USP10: variants seen among roughly 807,000 people sequenced by gnomAD.
The protein encoded by USP10 is ubiquitin specific peptidase 10.
A neutral mutation model predicts 84.5 loss-of-function variants in USP10; 22 were observed. That is an observed-to-expected ratio of 0.26 (90% CI 0.19 to 0.37). USP10 has a LOEUF of 0.37. Among genes scored for constraint, USP10 ranks in the 10% least tolerant of loss-of-function variants. The pLI, the probability that USP10 is intolerant of heterozygous loss-of-function variation, is 1.00. For missense variants in USP10, 1,019 were observed against 998.9 expected (o/e 1.02, Z -0.27); for synonymous variants, 454 against 387.6 (o/e 1.17, Z -2.01).
rs111471007 is a variant in USP10, at chr16:84,745,457, G to A, written c.976G>A (p.Gly326Ser). The A allele has an allele frequency of 8.2e-4, 1,316 of 1,613,640 alleles. 1 individual carries two copies. Among genetic ancestry groups the A allele is most frequent in the Middle Eastern group, 5.0e-3 (30 of 6,054 alleles). Residue 326 changes from glycine (G) to serine (S), a missense_variant, in exon 4 of 14, where the codon GGC (glycine) becomes AGC (serine). Around this residue, in one of 2 missense-constraint regions of USP10, gnomAD observed 787 missense variants for 708.8 expected, o/e 1.11. Coordinates refer to ENST00000219473, the MANE Select transcript of USP10 (RefSeq NM_005153.3). Reference sequence around the variant, plus strand: ...CGAGAGTGCATCACCTCCTGCTGACGGCACGGGCTCTGCATCAGGCACCCT... The same window carrying A: ...CGAGAGTGCATCACCTCCTGCTGACAGCACGGGCTCTGCATCAGGCACCCT... ...KPESASPPAD[G>S]TGSASGTLPV... is the part of the protein sequence containing the mutation.
chr16:84,757,396 G>T (rs1912676343), intron 4 of USP10, among the ~76,000 whole-genome samples: 1 of 127,366 alleles, frequency 7.9e-6, no homozygotes, highest in East Asian at 2.7e-4. Flanking sequence ...GAATGAGAGG[G>T]GTGGGGGTGT....
intron 1 of USP10, among the ~76,000 whole-genome samples, chr16:84,728,617 C>G (rs1226716521): frequency 6.6e-6 from 1 of 152,068 alleles, no homozygotes; most frequent in Non-Finnish European, 1.5e-5. Context: ...GCGTGAGCCA[C>G]CGTGTCCGGC....
At chr16:84,769,067 G>C (rs1249279270) in intron 11 of USP10, among the ~76,000 whole-genome samples, 1 of 152,158 alleles carries the variant, frequency 6.6e-6, no homozygotes, top group South Asian at 2.1e-4. Flanking sequence ...ATATATCTTA[G>C]GTTGTGGCAG....
At chr16:84,709,242 G>A (rs1905956361) in intron 1 of USP10, 1 of 152,328 alleles carries the variant, frequency 6.6e-6, no homozygotes, top group East Asian at 1.9e-4. Flanking sequence ...CAAAGGAAGG[G>A]AACACAATCT....
intron 1 of USP10, among the ~76,000 whole-genome samples, chr16:84,711,180 G>C (rs570820060): frequency 4.6e-5 from 7 of 152,170 alleles, no homozygotes; most frequent in Non-Finnish European, 1.0e-4. Context: ...TGCCTTTTAA[G>C]CAAGCATTTA....
chr16:84,734,424 T>G (rs893554502), intron 2 of USP10, among the ~76,000 whole-genome samples: 1 of 152,224 alleles, frequency 6.6e-6, no homozygotes, highest in Non-Finnish European at 1.5e-5. Flanking sequence ...AATACGGATG[T>G]CCTCTGCTGT....
In USP10 at chr16:84,764,267, T is replaced by A; in HGVS notation, c.1832+4T>A. On this transcript the variant is annotated splice_donor_region_variant and intron_variant, in intron 10 of 13. Coordinates refer to ENST00000219473, the MANE Select transcript of USP10 (RefSeq NM_005153.3). Reference sequence around the variant, plus strand: ...GCATTTTTGGTGGACACATCAGGTTTGTGCTTTTCTGGAATAACTTAATAT... The same window carrying A: ...GCATTTTTGGTGGACACATCAGGTTAGTGCTTTTCTGGAATAACTTAATAT... 1 of 1,614,028 alleles carries A rather than the reference T, an allele frequency of 6.2e-7. No homozygotes were observed. Among genetic ancestry groups the A allele is most frequent in the Non-Finnish European group, 8.5e-7 (1 of 1,179,886 alleles).
At chr16:84,720,341 A>G (rs537219673) in intron 1 of USP10, among the ~76,000 whole-genome samples, 1 of 152,312 alleles carries the variant, frequency 6.6e-6, no homozygotes, top group South Asian at 2.1e-4. Context: ...GATGGCACTT[A>G]CAAGTTTCTG....
intron 3 of USP10, among the ~76,000 whole-genome samples, chr16:84,740,938 T>C (rs1312003258): frequency 6.6e-6 from 1 of 152,256 alleles, no homozygotes; most frequent in South Asian, 2.1e-4. Flanking sequence ...TTTGTATTGC[T>C]TAAGTACCCA....
At chr16:84,753,457 T>C (rs1201244619) in intron 4 of USP10, among the ~76,000 whole-genome samples, 2 of 152,210 alleles carry the variant, frequency 1.3e-5, no homozygotes. Flanking sequence ...GATGTCTGTA[T>C]TGAGCTGGCC....
In USP10 at chr16:84,700,008, A is replaced by G. The variant is rs1265061293; in HGVS notation, c.-83A>G. 19 of 1,263,082 alleles carry G rather than the reference A, an allele frequency of 1.5e-5. No homozygotes were observed. In the East Asian group the frequency reaches 4.8e-4, roughly 32 times the overall value. The allele number at this position is 1,263,082 out of a possible 1,614,324, so 78.2% of individuals were successfully genotyped here. ...GGCGCGGCGGCCGATGCGAGTGTGT[A>G]TGTGCGGGCGAGAAGATGGCGGCGG... On this transcript the variant is annotated 5_prime_UTR_variant, in exon 1 of 14. The change abolishes an upstream ATG in the 5' untranslated region. Coordinates refer to ENST00000219473, the MANE Select transcript of USP10 (RefSeq NM_005153.3).
At chr16:84,703,189 T>C (rs1353550776) in intron 1 of USP10, among the ~76,000 whole-genome samples, 1 of 152,152 alleles carries the variant, frequency 6.6e-6, no homozygotes, top group Non-Finnish European at 1.5e-5. Context: ...TAAATGAACT[T>C]TAACAGTTGA....
rs774270460 is a variant in USP10, at chr16:84,744,684, G to T, written c.203G>T (p.Ser68Ile). The T allele has an allele frequency of 6.2e-7, 1 of 1,613,458 alleles. No individual in the cohort carries two copies. Among genetic ancestry groups the T allele is most frequent in the Non-Finnish European group, 8.5e-7 (1 of 1,179,666 alleles). The part of the protein sequence containing the change: ...EFGVDEVIEP[S>I]DTLPRTPSYS... Reference sequence around the variant, plus strand: ...GGTGTCGATGAAGTCATTGAACCCAGTGACACTTTGCCGAGAACCCCCAGC... The same window carrying T: ...GGTGTCGATGAAGTCATTGAACCCATTGACACTTTGCCGAGAACCCCCAGC... The change falls in exon 4 of 14, where the codon AGT becomes ATT. Residue 68 changes from serine (S) to isoleucine (I), a missense_variant. By Grantham distance (142) the Ser-to-Ile change is moderately radical. Around this residue, in one of 2 missense-constraint regions of USP10, gnomAD observed 787 missense variants for 708.8 expected, o/e 1.11. Coordinates refer to ENST00000219473, the MANE Select transcript of USP10 (RefSeq NM_005153.3).
intron 4 of USP10, among the ~76,000 whole-genome samples, chr16:84,754,132 A>G (rs1448574489): frequency 6.6e-6 from 1 of 152,148 alleles, no homozygotes; most frequent in African/African-American, 2.4e-5. Context: ...CACAGCACTA[A>G]TATCAGGTAG....
chr16:84,777,084 A>G (rs566831195), intron 13 of USP10, among the ~76,000 whole-genome samples: 1 of 152,354 alleles, frequency 6.6e-6, no homozygotes, highest in Admixed American at 6.5e-5. Context: ...TTACCTGTAG[A>G]GTGAGCAAAG....
chr16:84,775,109 AC>A (rs1914860543), intron 12 of USP10, 50 bp from the exon 13 acceptor site: 1 of 1,540,884 alleles, frequency 6.5e-7, no homozygotes, highest in Admixed American at 1.7e-5. Context: ...TGCTGCTGTT[AC>A]CCTGAACCTT....
intron 1 of USP10, among the ~76,000 whole-genome samples, chr16:84,705,862 G>A (rs1905427704): frequency 6.6e-6 from 1 of 151,590 alleles, no homozygotes; most frequent in Non-Finnish European, 1.5e-5. Flanking sequence ...TGGGATTACA[G>A]GTGCCTGCTA....
chr16:84,738,701 T>C (rs138131774), intron 2 of USP10, among the ~76,000 whole-genome samples: 220 of 152,366 alleles, frequency 1.4e-3, no homozygotes, highest in Admixed American at 3.7e-3. Context: ...CCTGAAGGTG[T>C]TGGCTTCTTT....
intron 10 of USP10, among the ~76,000 whole-genome samples, chr16:84,766,450 C>A (rs759860913): frequency 1.3e-5 from 2 of 152,250 alleles, no homozygotes; most frequent in Admixed American, 1.3e-4. Flanking sequence ...TCCAGGTTGG[C>A]GCGCAGCAGC....
Sources: allele counts gnomAD v4.1 joint callset (sites outside exome capture counted in the v4.1 genomes callset), GRCh38; gene constraint gnomAD v4.1.1; regional missense constraint gnomAD v4.1.1; transcripts MANE v1.5; gene names NCBI Gene and HGNC (gene_info 2026-07-23, HGNC 2026-07-21).